Variants in CD226 observed in about 807,000 individuals in gnomAD.
CD226 encodes the protein CD226 molecule.
CD226 carries 24 observed loss-of-function variants against 34.9 expected under a neutral mutation model. The ratio of observed to expected loss-of-function variants is 0.69; its 90% CI spans 0.50 to 0.97. The LOEUF (loss-of-function observed/expected upper bound fraction) is 0.97, where lower values mean the gene tolerates loss of function less well. CD226 is among the 50% of genes least tolerant of loss of function. CD226 has a pLI of 0.00. For synonymous variants in CD226, 148 were observed against 147.4 expected (o/e 1.00, Z -0.03); for missense variants, 397 against 412.7 (o/e 0.96, Z 0.33).
intron 3 of CD226, among the ~76,000 whole-genome samples, chr18:69,881,872 C>T (rs879807132): frequency 6.6e-6 from 1 of 152,062 alleles, no homozygotes; most frequent in Non-Finnish European, 1.5e-5. Flanking sequence ...ATACGCATCA[C>T]GTGGATATTG....
At chr18:69,956,905 T>G (rs2055902687) in exon 1 of CD226, 1 of 152,254 alleles carries the variant, frequency 6.6e-6, no homozygotes, top group Non-Finnish European at 1.5e-5. Context: ...TAATTAGCAC[T>G]GCAGGAGCTG....
intron 2 of CD226, among the ~76,000 whole-genome samples, chr18:69,911,950 TG>T (rs2055330975): frequency 6.6e-6 from 1 of 152,256 alleles, no homozygotes; most frequent in Non-Finnish European, 1.5e-5. Flanking sequence ...CTTAACTTTT[TG>T]TTCAGCTGAA....
At chr18:69,953,890 C>G (rs2055874624) in intron 1 of CD226, among the ~76,000 whole-genome samples, 1 of 151,486 alleles carries the variant, frequency 6.6e-6, no homozygotes, top group Admixed American at 6.6e-5. Context: ...ATCCCAGCTA[C>G]TTGGGAGGCT....
At chr18:69,881,145 GCA>G (rs1191591192) in intron 3 of CD226, among the ~76,000 whole-genome samples, 1 of 152,026 alleles carries the variant, frequency 6.6e-6, no homozygotes, top group African/African-American at 2.4e-5. Flanking sequence ...CCCAAAATAT[GCA>G]CAAATATTAT....
chr18:69,938,911 C>A (rs985761366), intron 2 of CD226, among the ~76,000 whole-genome samples: 1 of 152,094 alleles, frequency 6.6e-6, no homozygotes, highest in Non-Finnish European at 1.5e-5. Context: ...CATGGCAAAA[C>A]CCCCATCTCT....
Position 69,854,715 on chromosome 18 carries a change from T to C in CD226, c.*9599A>G, listed in dbSNP as rs1241873974. 6.6e-6 allele frequency: 1 copy of C among 152,264 alleles called. No individual in the cohort carries two copies. The highest frequency in any genetic ancestry group is 2.4e-5 in the African/African-American group (1 of 41,400). The allele number at this position is 152,264 out of a possible 1,614,324, so 9.4% of individuals were successfully genotyped here. On this transcript the variant is annotated 3_prime_UTR_variant, in exon 6 of 6. Transcript: ENST00000582621. ...TGCAGCCAGGAAAGAGAGTTGAGGA[T>C]GAGGAAGCAATACCACTGGAGAAGC...
upstream of CD226, among the ~76,000 whole-genome samples, chr18:69,960,163 C>T (rs902717475): frequency 2.0e-5 from 3 of 151,448 alleles, no homozygotes; most frequent in African/African-American, 7.3e-5. Context: ...CCACTTGAAC[C>T]TGGGAGGCAG....
chr18:69,888,869 C>T (rs192132234), intron 3 of CD226, among the ~76,000 whole-genome samples: 1 of 152,256 alleles, frequency 6.6e-6, no homozygotes, highest in East Asian at 1.9e-4. Context: ...TTCATTCCCT[C>T]TGACAATAAC....
At chr18:69,901,622 T>G (rs975249693) in intron 2 of CD226, among the ~76,000 whole-genome samples, 30 of 136,320 alleles carry the variant, frequency 2.2e-4, no homozygotes, top group Non-Finnish European at 4.6e-4. Context: ...GGCTCACACC[T>G]GTAATCCAGC....
chr18:69,880,754 C>T (rs1334589864), intron 3 of CD226, among the ~76,000 whole-genome samples: 2 of 150,370 alleles, frequency 1.3e-5, no homozygotes, highest in Non-Finnish European at 3.0e-5. Context: ...TGGGTTCAAG[C>T]GATTCTCCTG....
intron 2 of CD226, among the ~76,000 whole-genome samples, chr18:69,926,018 C>T (rs2055517040): frequency 5.3e-5 from 8 of 152,128 alleles, no homozygotes; most frequent in Admixed American, 5.2e-4. Context: ...GGGCGCACAA[C>T]TGCAATCCAA....
rs115519209 is a variant in CD226, at chr18:69,935,677, A to T, written c.382+11057T>A. 5.6e-3 allele frequency among the ~76,000 whole-genome samples: 860 copies of T among 152,278 alleles called. 14 individuals carry two copies. Among genetic ancestry groups the T allele is most frequent in the African/African-American group, 0.02 (813 of 41,560 alleles). On this transcript the variant is annotated intron_variant, in intron 2 of 5. Coordinates refer to ENST00000582621, the MANE Select transcript of CD226 (RefSeq NM_001303618.2). ...GGTAAAGGTGTGAGTTGTCTTGATC[A>T]CTGAGAGTTGAAGGAGGAAAAACCA...
intron 4 of CD226, among the ~76,000 whole-genome samples, chr18:69,869,801 T>C (rs1317194020): frequency 1.2e-5 from 1 of 86,288 alleles, no homozygotes; most frequent in Non-Finnish European, 2.8e-5. Flanking sequence ...TTTTTTTTCT[T>C]TTTTTTTTTT....
In CD226 at chr18:69,860,694, ATACT is replaced by A. The variant is rs1244671542; in HGVS notation, c.*3616_*3619del. On this transcript the variant is annotated 3_prime_UTR_variant, in exon 6 of 6. Transcript: ENST00000582621. ...CTAATGAACAGATCAGTGAAAAAAT[ATACT>A]TATACAGAAGTCTGAAGGTGGAGAT... The A allele has an allele frequency of 6.6e-6, 1 of 152,154 alleles. No homozygotes were observed. Among genetic ancestry groups the A allele is most frequent in the African/African-American group, 2.4e-5 (1 of 41,434 alleles). The allele number at this position is 152,154 out of a possible 1,614,324, so 9.4% of individuals were successfully genotyped here.
chr18:69,931,119 A>C (rs1049415116), intron 2 of CD226, among the ~76,000 whole-genome samples: 1 of 152,198 alleles, frequency 6.6e-6, no homozygotes, highest in Non-Finnish European at 1.5e-5. Flanking sequence ...CATTCTCAGC[A>C]AACTATCACA....
intron 2 of CD226, among the ~76,000 whole-genome samples, chr18:69,896,533 GTTTTT>G (rs568608935): frequency 9.3e-4 from 142 of 151,920 alleles, no homozygotes; most frequent in Non-Finnish European, 1.2e-3. Context: ...TTTGTTTTTT[GTTTTT>G]AAGTCCGGGA....
At chr18:69,866,048 G>C (rs1471433522) in intron 5 of CD226, among the ~76,000 whole-genome samples, 1 of 152,084 alleles carries the variant, frequency 6.6e-6, no homozygotes, top group African/African-American at 2.4e-5. Context: ...GAGGGCCTGC[G>C]GGCCTGTTTC....
Position 69,915,715 on chromosome 18 carries a change from G to A in CD226, c.383-19670C>T, listed in dbSNP as rs552122779. On this transcript the variant is annotated intron_variant, in intron 2 of 5. Transcript: ENST00000582621. Reference sequence around the variant, plus strand: ...TCCCCTGCATAGTACGCACTTCCCCGAAGTCTGCAATTTAATTTCCACCTC... The same window carrying A: ...TCCCCTGCATAGTACGCACTTCCCCAAAGTCTGCAATTTAATTTCCACCTC... Among the ~76,000 whole-genome samples the A allele has an allele frequency of 5.5e-4, 83 of 152,124 alleles. 1 individual carries two copies. In the South Asian group the frequency reaches 5.6e-3, roughly 10 times the overall value.
chr18:69,877,065 T>C (rs1983919252), intron 3 of CD226, among the ~76,000 whole-genome samples: 1 of 151,982 alleles, frequency 6.6e-6, no homozygotes. Flanking sequence ...GGTTTCACCA[T>C]GTTAGTCAGG....
Sources: allele counts gnomAD v4.1 joint callset (sites outside exome capture counted in the v4.1 genomes callset), GRCh38; gene constraint gnomAD v4.1.1; transcripts MANE v1.5; gene names NCBI Gene and HGNC (gene_info 2026-07-23, HGNC 2026-07-21).